Variants in BAZ2B observed in about 807,000 individuals in gnomAD.
The protein encoded by BAZ2B is bromodomain adjacent to zinc finger domain protein 2B.
A neutral mutation model predicts 246.0 loss-of-function variants in BAZ2B; 91 were observed. The ratio of observed to expected loss-of-function variants is 0.37; its 90% confidence interval spans 0.31 to 0.44. BAZ2B has a LOEUF of 0.44. BAZ2B is among the 20% of genes least tolerant of loss of function. The pLI is 1.00. For missense variants in BAZ2B, 2,332 were observed against 2,533.7 expected (o/e 0.92, Z 1.71); for synonymous variants, 855 against 860.0 (o/e 0.99, Z 0.10).
chr2:159,443,349 G>A (rs1212710375), intron 6 of BAZ2B, among the ~76,000 whole-genome samples: 1 of 152,048 alleles, frequency 6.6e-6, no homozygotes, highest in Non-Finnish European at 1.5e-5. Flanking sequence ...AAATGTATAT[G>A]CAGACTATAT....
At chr2:159,481,106 C>T (rs1032832254) in intron 2 of BAZ2B, among the ~76,000 whole-genome samples, 2 of 151,998 alleles carry the variant, frequency 1.3e-5, no homozygotes, top group Non-Finnish European at 2.9e-5. Context: ...CCACTCTAGC[C>T]TTTGCACTCT....
intron 35 of BAZ2B, 29 bp downstream of exon 35, chr2:159,325,624 T>C (rs1022232834): frequency 3.2e-6 from 5 of 1,568,576 alleles, no homozygotes; most frequent in Non-Finnish European, 4.3e-6. Context: ...GCATTATAAA[T>C]ATACAGTGCA....
chr2:159,598,383 G>A (rs1323032499), intron 1 of BAZ2B, among the ~76,000 whole-genome samples: 1 of 152,170 alleles, frequency 6.6e-6, no homozygotes, highest in East Asian at 1.9e-4. Context: ...TGGGAACAGT[G>A]TCAAATCAAA....
chr2:159,684,637 G>A, the BAZ2B span, among the ~76,000 whole-genome samples: 9 of 152,128 alleles, frequency 5.9e-5, no homozygotes, highest in African/African-American at 2.2e-4. Context: ...GAGTAGCTGG[G>A]AAACAGGGAT....
intron 1 of BAZ2B, among the ~76,000 whole-genome samples, chr2:159,565,113 C>T (rs1022528641): frequency 1.8e-4 from 27 of 152,238 alleles, no homozygotes; most frequent in Admixed American, 1.4e-3. Flanking sequence ...TCAGATGATC[C>T]GCCTGCCTTG....
intron 13 of BAZ2B, among the ~76,000 whole-genome samples, chr2:159,419,423 T>C (rs561775024): frequency 6.6e-5 from 10 of 152,344 alleles, no homozygotes; most frequent in African/African-American, 2.4e-4. Context: ...TAGTATTATG[T>C]CTATTTCTAG....
chr2:159,547,020 C>T (rs956627282), intron 2 of BAZ2B, among the ~76,000 whole-genome samples: 3 of 151,810 alleles, frequency 2.0e-5, no homozygotes, highest in Admixed American at 2.0e-4. Flanking sequence ...TATAAAGCTA[C>T]TAGAGTTTAG....
rs551722091 is a variant in BAZ2B, at chr2:159,538,583, C to T, written c.-3+17240G>A. ...TGTGTCTTACTTATGAAAGTGTCTG[C>T]TTAATATTATGGCAAAAAAGCATTG... On this transcript the variant is annotated intron_variant, in intron 2 of 36. Coordinates refer to ENST00000392783, the MANE Select transcript of BAZ2B (RefSeq NM_013450.4). Among the ~76,000 whole-genome samples the T allele has an allele frequency of 5.3e-5, 8 of 152,242 alleles. No homozygotes were observed. The South Asian group carries it at 1.2e-3, about 24-fold the overall frequency.
chr2:159,347,902 A>C (rs1247619815), intron 30 of BAZ2B, among the ~76,000 whole-genome samples: 2 of 152,202 alleles, frequency 1.3e-5, no homozygotes, highest in African/African-American at 4.8e-5. Flanking sequence ...TTGTTGAGTA[A>C]AACAGAAAAA....
intron 2 of BAZ2B, among the ~76,000 whole-genome samples, chr2:159,489,660 T>G (rs2080228761): frequency 6.6e-6 from 1 of 151,964 alleles, no homozygotes. Flanking sequence ...TCTCAGCACT[T>G]TGGGAGGTCT....
At chr2:159,405,462 C>T (rs1430043908) in intron 14 of BAZ2B, among the ~76,000 whole-genome samples, 8 of 152,090 alleles carry the variant, frequency 5.3e-5, no homozygotes, top group African/African-American at 7.2e-5. Flanking sequence ...TGCCCCGCCT[C>T]GGCCTCCCAA....
intron 14 of BAZ2B, 78 bp from the exon 15 acceptor site, chr2:159,405,192 G>C: frequency 8.0e-7 from 1 of 1,246,290 alleles, no homozygotes; most frequent in Non-Finnish European, 1.2e-6. Flanking sequence ...TGTGAAAATG[G>C]TATCATCATA....
chr2:159,697,416 T>C, the BAZ2B span, among the ~76,000 whole-genome samples: 1 of 152,182 alleles, frequency 6.6e-6, no homozygotes, highest in Non-Finnish European at 1.5e-5. Flanking sequence ...TAATGTGATA[T>C]CTAATCAGAA....
intron 11 of BAZ2B, among the ~76,000 whole-genome samples, 170 bp from the exon 12 acceptor site, chr2:159,428,589 A>T (rs562077004): frequency 1.0e-3 from 152 of 152,326 alleles, no homozygotes; most frequent in African/African-American, 3.4e-3. Flanking sequence ...TTAGATTTTT[A>T]GCTAATTCAA....
chr2:159,387,778 T>A (rs774210463), intron 21 of BAZ2B, among the ~76,000 whole-genome samples: 1 of 152,100 alleles, frequency 6.6e-6, no homozygotes, highest in Non-Finnish European at 1.5e-5. Context: ...AAATAAAAGA[T>A]ACAAGAAAAT....
the BAZ2B span, among the ~76,000 whole-genome samples, chr2:159,622,052 C>T: frequency 6.6e-6 from 1 of 151,462 alleles, no homozygotes; most frequent in Non-Finnish European, 1.5e-5. Flanking sequence ...GTTGCGGTGA[C>T]CCGAGATCAT....
chr2:159,414,057 C>T (rs1324767141), intron 13 of BAZ2B, among the ~76,000 whole-genome samples: 1 of 152,156 alleles, frequency 6.6e-6, no homozygotes, highest in Admixed American at 6.5e-5. Context: ...ATACACTACA[C>T]AATGGAGTAC....
intron 2 of BAZ2B, among the ~76,000 whole-genome samples, chr2:159,488,163 C>A (rs540227906): frequency 7.9e-4 from 120 of 152,234 alleles, no homozygotes; most frequent in African/African-American, 2.6e-3. Context: ...ATCTCCACCT[C>A]CTGGGTTCCA....
chr2:159,653,842 T>A, the BAZ2B span, among the ~76,000 whole-genome samples: 1 of 152,198 alleles, frequency 6.6e-6, no homozygotes, highest in East Asian at 1.9e-4. Flanking sequence ...TGTGCTTGTA[T>A]CTTACAATAT....
Sources: gnomAD v4.1 joint callset for allele counts (sites outside exome capture counted in the v4.1 genomes callset) on GRCh38, gnomAD v4.1.1 for gene constraint, MANE v1.5 for transcripts, NCBI Gene and HGNC (gene_info 2026-07-23, HGNC 2026-07-21) for gene names.